NEK11: variants seen among roughly 807,000 people sequenced by gnomAD.
NEK11 encodes NIMA related kinase 11.
A neutral mutation model predicts 80.7 loss-of-function variants in NEK11; 72 were observed. That is an observed-to-expected ratio of 0.89 (90% CI 0.74 to 1.08). NEK11 has a LOEUF of 1.08. Among genes scored for constraint, NEK11 ranks in the 50% least tolerant of loss-of-function variants. The pLI is 0.00. For missense variants in NEK11, 764 were observed against 763.6 expected (o/e 1.00, Z -0.01); for synonymous variants, 251 against 260.7 (o/e 0.96, Z 0.36).
Position 131,029,830 on chromosome 3 carries a change from G to A in NEK11, c.122G>A (p.Gly41Glu), listed in dbSNP as rs751197201. The A allele has an allele frequency of 1.2e-6, 2 of 1,614,212 alleles. No individual in the cohort carries two copies. Among genetic ancestry groups the A allele is most frequent in the Non-Finnish European group, 8.5e-7 (1 of 1,180,042 alleles). Reference sequence around the variant, plus strand: ...CAAAAACTTGGCAGTGGAAGTTTTGGAACTGTCTATCTGGTTTCAGACAAG... The same window carrying A: ...CAAAAACTTGGCAGTGGAAGTTTTGAAACTGTCTATCTGGTTTCAGACAAG... ...LQQKLGSGSF[G>E]TVYLVSDKKA... The change falls in exon 3 of 18, where the codon GGA (glycine) becomes GAA (glutamate). Residue 41 changes from glycine (G) to glutamate (E), a missense_variant. By Grantham distance (98) the Gly-to-Glu change is moderately conservative (BLOSUM62 -2). Coordinates refer to ENST00000383366, the MANE Select transcript of NEK11 (RefSeq NM_024800.5).
chr3:131,220,268 T>C (rs932414136), intron 14 of NEK11, among the ~76,000 whole-genome samples: 3 of 152,104 alleles, frequency 2.0e-5, no homozygotes, highest in African/African-American at 7.2e-5. Context: ...TAAAAAAAAA[T>C]CTTATGGTTT....
In NEK11 at chr3:131,080,602, T is replaced by C. The variant is rs759647697; in HGVS notation, c.336+14T>C. On this transcript the variant is annotated intron_variant, in intron 4 of 17. Coordinates refer to ENST00000383366, the MANE Select transcript of NEK11 (RefSeq NM_024800.5). Reference sequence around the variant, plus strand: ...GAGTACTGTGAGGTGAGACTCTCCTTTTCTCTTGGAAGTCTTTATAAAAAC... The same window carrying C: ...GAGTACTGTGAGGTGAGACTCTCCTCTTCTCTTGGAAGTCTTTATAAAAAC... The C allele has an allele frequency of 3.1e-6, 5 of 1,594,382 alleles. No homozygotes were observed. Among genetic ancestry groups the C allele is most frequent in the East Asian group, 4.5e-5 (2 of 44,740 alleles).
chr3:131,166,090 A>G (rs2092196155), intron 12 of NEK11, among the ~76,000 whole-genome samples: 1 of 152,208 alleles, frequency 6.6e-6, no homozygotes, highest in African/African-American at 2.4e-5. Flanking sequence ...CTAATGGTTG[A>G]CAATATCTCC....
intron 14 of NEK11, among the ~76,000 whole-genome samples, chr3:131,188,300 C>A (rs1560867059): frequency 6.6e-6 from 1 of 152,092 alleles, no homozygotes; most frequent in Non-Finnish European, 1.5e-5. Flanking sequence ...TCTTTTTCCT[C>A]TAAAAGATTT....
intron 15 of NEK11, among the ~76,000 whole-genome samples, chr3:131,238,691 G>A (rs1285424211): frequency 6.6e-6 from 1 of 152,170 alleles, no homozygotes; most frequent in Non-Finnish European, 1.5e-5. Context: ...GCTTCACAGA[G>A]AGGGAACAGA....
intron 16 of NEK11, among the ~76,000 whole-genome samples, chr3:131,258,802 A>G (rs1395065949): frequency 6.6e-6 from 1 of 152,208 alleles, no homozygotes; most frequent in African/African-American, 2.4e-5. Context: ...GGTATTTATC[A>G]TATTTCCTAT....
rs1414565757 is a variant in NEK11, at chr3:131,080,468, A to G, written c.216A>G (p.Glu72=). Residue 72 remains glutamate (E), a synonymous_variant, in exon 4 of 18, where the codon GAA becomes GAG. Coordinates refer to ENST00000383366, the MANE Select transcript of NEK11 (RefSeq NM_024800.5). The stretch of plus-strand genomic sequence containing the variant: ...CTGTTGGAGAACTAAATCCAAATGA[A>G]ACTGTACAGGCCAATTTGGAAGCCC... The part of the protein sequence containing the change: ...EISVGELNPN[E]TVQANLEAQL... 3 of 1,613,416 alleles carry G rather than the reference A, an allele frequency of 1.9e-6. No individual in the cohort carries two copies. Among genetic ancestry groups the G allele is most frequent in the East Asian group, 4.5e-5 (2 of 44,878 alleles).
At chr3:131,294,351 T>C (rs1206738878) in intron 17 of NEK11, among the ~76,000 whole-genome samples, 2 of 152,142 alleles carry the variant, frequency 1.3e-5, no homozygotes, top group African/African-American at 4.8e-5. Flanking sequence ...TGTTGTTTAA[T>C]CTCCATGTGT....
At chr3:131,109,061 G>T (rs1427806720) in intron 4 of NEK11, among the ~76,000 whole-genome samples, 1 of 152,128 alleles carries the variant, frequency 6.6e-6, no homozygotes, top group South Asian at 2.1e-4. Flanking sequence ...AAAAGTTATT[G>T]CTAGTTTTAT....
At chr3:131,184,753 G>A (rs2150210253) in intron 14 of NEK11, 2 of 1,229,860 alleles carry the variant, frequency 1.6e-6, no homozygotes, top group East Asian at 3.1e-5. Context: ...GAAAAATAAA[G>A]GAATTTCTGA....
chr3:131,144,495 G>T (rs1000105562), intron 7 of NEK11, among the ~76,000 whole-genome samples: 1 of 152,034 alleles, frequency 6.6e-6, no homozygotes, highest in Non-Finnish European at 1.5e-5. Context: ...ATTCCTATAT[G>T]GAAATGTCTG....
chr3:131,256,696 C>G (rs1270877576), intron 16 of NEK11, among the ~76,000 whole-genome samples: 1 of 152,064 alleles, frequency 6.6e-6, no homozygotes, highest in Non-Finnish European at 1.5e-5. Flanking sequence ...ATGGTTCTGG[C>G]TCAGGGTCTC....
At chr3:131,149,366 A>T (rs1251652923) in intron 7 of NEK11, among the ~76,000 whole-genome samples, 1 of 151,968 alleles carries the variant, frequency 6.6e-6, no homozygotes, top group Non-Finnish European at 1.5e-5. Flanking sequence ...TATCCAGTCT[A>T]CCGTTGATGG....
At position 131,044,817 on chromosome 3, in the gene NEK11, A is replaced by T. The variant is rs142784260; in HGVS notation, c.170+14939A>T. On this transcript the variant is annotated intron_variant, in intron 3 of 17. Transcript: ENST00000383366. ...TCTTCACCCCAAATCAACAGAATATACATTTTTCTCAGCACCGCATAGCAC... is the reference window on the plus strand; with the variant it reads ...TCTTCACCCCAAATCAACAGAATATTCATTTTTCTCAGCACCGCATAGCAC... Among the ~76,000 whole-genome samples the T allele has an allele frequency of 4.9e-3, 748 of 152,298 alleles. 11 individuals are homozygous for T. Among genetic ancestry groups the T allele is most frequent in the African/African-American group, 0.017 (713 of 41,554 alleles).
rs117859265 is a variant in NEK11 at position 131,346,673 on chromosome 3, T to C, written c.1719-2884T>C. On this transcript the variant is annotated intron_variant, in intron 17 of 17. Coordinates refer to ENST00000383366, the MANE Select transcript of NEK11 (RefSeq NM_024800.5). ...TGTGAGGAGGTAGGTGAGGAGTGAG[T>C]ATATGAGGTTACAAAAGAAGTGAGT... is the stretch of plus-strand genomic sequence containing the variant. Among the ~76,000 whole-genome samples, 186 of 151,966 alleles carry C rather than the reference T, an allele frequency of 1.2e-3. 3 individuals are homozygous for C. In the East Asian group the frequency reaches 0.032, roughly 26 times the overall value.
intron 7 of NEK11, among the ~76,000 whole-genome samples, chr3:131,147,614 G>A (rs909785099): frequency 2.0e-5 from 3 of 151,878 alleles, no homozygotes; most frequent in African/African-American, 7.3e-5. Flanking sequence ...TTCAGTTCCT[G>A]CCAAAATGTC....
chr3:131,307,263 T>C (rs2096732682), intron 17 of NEK11, among the ~76,000 whole-genome samples: 1 of 152,220 alleles, frequency 6.6e-6, no homozygotes, highest in Non-Finnish European at 1.5e-5. Context: ...TCTTGTTGCC[T>C]TCAGTATCCT....
At chr3:131,164,890 A>C (rs1350833141) in intron 11 of NEK11, among the ~76,000 whole-genome samples, 1 of 152,230 alleles carries the variant, frequency 6.6e-6, no homozygotes, top group Non-Finnish European at 1.5e-5. Context: ...TTAGCCCACA[A>C]GTAATCATAA....
intron 16 of NEK11, among the ~76,000 whole-genome samples, chr3:131,266,421 C>G (rs1232970546): frequency 3.3e-5 from 5 of 152,210 alleles, no homozygotes; most frequent in Admixed American, 6.5e-5. Flanking sequence ...TTGTTCTCAT[C>G]AGTTTCAAAG....
Sources: allele counts gnomAD v4.1 joint callset (sites outside exome capture counted in the v4.1 genomes callset), GRCh38; gene constraint gnomAD v4.1.1; transcripts MANE v1.5; gene names NCBI Gene and HGNC (gene_info 2026-07-23, HGNC 2026-07-21).